WNT2: variants seen among roughly 807,000 people sequenced by gnomAD.
WNT2 encodes the protein protein Wnt-2.
In WNT2, 12 loss-of-function variants were observed where a neutral mutation model predicts 36.9. The observed-to-expected ratio is 0.33, with a 90% CI of 0.21 to 0.53. The LOEUF (loss-of-function observed/expected upper bound fraction) is 0.53. Among genes scored for constraint, WNT2 ranks in the 20% least tolerant of loss-of-function variants. The pLI, the probability that WNT2 is intolerant of heterozygous loss-of-function variation, is 0.95. For missense variants in WNT2, 379 were observed against 473.1 expected (o/e 0.80, Z 1.84); for synonymous variants, 163 against 174.6 (o/e 0.93, Z 0.52).
At chr7:117,308,580 C>T (rs1584691887) in intron 3 of WNT2, among the ~76,000 whole-genome samples, 2 of 152,224 alleles carry the variant, frequency 1.3e-5, no homozygotes, top group Middle Eastern at 3.4e-3. Context: ...GTGAGCCTGG[C>T]AGAACTGATC....
At chr7:117,285,093 A>G (rs1014277544) in intron 4 of WNT2, among the ~76,000 whole-genome samples, 1 of 152,242 alleles carries the variant, frequency 6.6e-6, no homozygotes, top group African/African-American at 2.4e-5. Context: ...CAAATGAGTA[A>G]CGTGCAAAGA....
At chr7:117,320,350 G>C (rs1795299722) in intron 2 of WNT2, 2 of 568,908 alleles carry the variant, frequency 3.5e-6, no homozygotes, top group African/African-American at 3.8e-5. Context: ...ACAGCCTGGG[G>C]TTCTACTTCT....
At chr7:117,307,237 C>T (rs1795031989) in intron 3 of WNT2, among the ~76,000 whole-genome samples, 2 of 152,182 alleles carry the variant, frequency 1.3e-5, no homozygotes, top group Non-Finnish European at 2.9e-5. Flanking sequence ...TGAGGCATCA[C>T]ATTCTTTAAT....
At chr7:117,310,676 T>C (rs551419923) in intron 3 of WNT2, among the ~76,000 whole-genome samples, 4 of 152,080 alleles carry the variant, frequency 2.6e-5, no homozygotes, top group Non-Finnish European at 5.9e-5. Context: ...ATCTCAGTCT[T>C]GAACTCCACC....
intron 3 of WNT2, among the ~76,000 whole-genome samples, chr7:117,299,841 A>C (rs182070848): frequency 6.6e-6 from 1 of 152,146 alleles, no homozygotes; most frequent in Non-Finnish European, 1.5e-5. Context: ...ATAAACTTCA[A>C]AACTGATATT....
intron 4 of WNT2, among the ~76,000 whole-genome samples, chr7:117,287,603 A>G (rs1252505011): frequency 6.7e-6 from 1 of 148,726 alleles, no homozygotes; most frequent in African/African-American, 2.6e-5. Flanking sequence ...GTTGGGTCTT[A>G]TGCTTTCTTC....
intron 4 of WNT2, among the ~76,000 whole-genome samples, chr7:117,295,330 CA>C (rs1794769581): frequency 6.6e-6 from 1 of 152,168 alleles, no homozygotes; most frequent in African/African-American, 2.4e-5. Context: ...AATGTAGCTG[CA>C]GCTCTGGCAT....
At chr7:117,295,994 A>G (rs1377295432) in intron 4 of WNT2, among the ~76,000 whole-genome samples, 1 of 152,222 alleles carries the variant, frequency 6.6e-6, no homozygotes, top group Non-Finnish European at 1.5e-5. Context: ...GGATAAAATA[A>G]GACCATGTGT....
intron 4 of WNT2, among the ~76,000 whole-genome samples, chr7:117,281,630 G>A (rs1272382642): frequency 6.6e-6 from 1 of 152,098 alleles, no homozygotes; most frequent in Non-Finnish European, 1.5e-5. Flanking sequence ...ACTAGGTCGC[G>A]AAGGTAAGTC....
rs773172222 is a variant in WNT2, at chr7:117,297,886, A to C, written c.589-10T>G. 3.7e-6 allele frequency: 6 copies of C among 1,603,112 alleles called. No homozygotes were observed. In the South Asian group the frequency reaches 6.6e-5, roughly 18 times the overall value. Reference sequence around the variant, plus strand: ...AGAACCGCTTTACAGCCTGCCGAAAAAGACAGGGGCAAGTTCAGTGAGGTT... The same window carrying C: ...AGAACCGCTTTACAGCCTGCCGAAACAGACAGGGGCAAGTTCAGTGAGGTT... On this transcript the variant is annotated splice_polypyrimidine_tract_variant and intron_variant, in intron 3 of 4. Transcript: ENST00000265441.
rs1272271391 is a variant in WNT2, at chr7:117,278,301, A to G, written c.937T>C (p.Tyr313His). ...ATCCGGGTGACATGGGAGGTGTCGT[A>G]GCCTCTCCCACAGCACATGACTTCA... Reference protein sequence around the residue: ...SCEVMCCGRGYDTSHVTRMTK... With the variant: ...SCEVMCCGRGHDTSHVTRMTK... Residue 313 changes from tyrosine to histidine, a missense_variant, in exon 5 of 5, where the codon TAC (tyrosine) becomes CAC (histidine). Physicochemically the swap from Tyr to His is moderately conservative, Grantham distance 83. Coordinates refer to ENST00000265441, the MANE Select transcript of WNT2 (RefSeq NM_003391.3). 6.2e-7 allele frequency: 1 copy of G among 1,614,120 alleles called. No homozygotes were observed. Among genetic ancestry groups the G allele is most frequent in the African/African-American group, 1.3e-5 (1 of 74,950 alleles).
At chr7:117,319,530 G>GC (rs1048142214) in intron 2 of WNT2, among the ~76,000 whole-genome samples, 31 of 146,530 alleles carry the variant, frequency 2.1e-4, no homozygotes, top group African/African-American at 6.8e-4. Context: ...ATTGGGGGGG[G>GC]GGGTAGGCAA....
At chr7:117,278,630 C>T (rs1294080561) in intron 4 of WNT2, among the ~76,000 whole-genome samples, 1 of 152,204 alleles carries the variant, frequency 6.6e-6, no homozygotes, top group African/African-American at 2.4e-5. Flanking sequence ...CTTTGGATTT[C>T]CTTGGACACC....
chr7:117,321,208 G>A (rs540961430), intron 1 of WNT2, among the ~76,000 whole-genome samples: 1 of 152,286 alleles, frequency 6.6e-6, no homozygotes, highest in Non-Finnish European at 1.5e-5. Flanking sequence ...TGGCTTTGGG[G>A]GAAGCTGACC....
In WNT2 at chr7:117,301,223, C is replaced by T. The variant is rs73714625; in HGVS notation, c.589-3347G>A. Reference sequence around the variant, plus strand: ...TCACGTCTCCAGCACCCACTGTTAACGCACAGCATGTTCAGTGCTCAATTG... The same window carrying T: ...TCACGTCTCCAGCACCCACTGTTAATGCACAGCATGTTCAGTGCTCAATTG... On this transcript the variant is annotated intron_variant, in intron 3 of 4. Transcript: ENST00000265441. Among the ~76,000 whole-genome samples, 1,431 of 152,242 alleles carry T rather than the reference C, an allele frequency of 9.4e-3. 23 individuals carry two copies. The highest frequency in any genetic ancestry group is 0.031 in the African/African-American group (1,299 of 41,528).
At chr7:117,302,857 C>A (rs113798734) in intron 3 of WNT2, among the ~76,000 whole-genome samples, 1 of 151,878 alleles carries the variant, frequency 6.6e-6, no homozygotes, top group South Asian at 2.1e-4. Context: ...GTATAGCTGG[C>A]GGAAAAAGGG....
At chr7:117,317,816 A>C (rs1795249086) in intron 2 of WNT2, among the ~76,000 whole-genome samples, 1 of 152,186 alleles carries the variant, frequency 6.6e-6, no homozygotes, top group Non-Finnish European at 1.5e-5. Context: ...GTTACCTAGG[A>C]AGGCAAAACT....
At chr7:117,311,485 G>A (rs2116380962) in intron 3 of WNT2, among the ~76,000 whole-genome samples, 1 of 152,282 alleles carries the variant, frequency 6.6e-6, no homozygotes, top group East Asian at 1.9e-4. Flanking sequence ...CTCAGGCCCA[G>A]TTGCTCATCT....
intron 3 of WNT2, among the ~76,000 whole-genome samples, chr7:117,307,941 T>C (rs987805732): frequency 2.0e-5 from 3 of 152,256 alleles, no homozygotes; most frequent in Non-Finnish European, 4.4e-5. Context: ...GAAGAAGTGT[T>C]AGTACTTCAC....
Sources: allele counts gnomAD v4.1 joint callset (sites outside exome capture counted in the v4.1 genomes callset), GRCh38; gene constraint gnomAD v4.1.1; transcripts MANE v1.5; gene names NCBI Gene and HGNC (gene_info 2026-07-23, HGNC 2026-07-21).